MIPEP: variants seen among roughly 807,000 people sequenced by gnomAD.
MIPEP encodes the protein mitochondrial intermediate peptidase.
In MIPEP, 79 loss-of-function variants were observed where a neutral mutation model predicts 90.3. That is an observed-to-expected ratio of 0.87 (90% confidence interval 0.73 to 1.05). MIPEP has a LOEUF of 1.05. Ranked by LOEUF, MIPEP falls within the 50% of genes least tolerant of loss-of-function variation. MIPEP has a pLI of 0.00. For synonymous variants in MIPEP, 334 were observed against 315.8 expected (o/e 1.06, Z -0.61); for missense variants, 940 against 905.6 (o/e 1.04, Z -0.49).
intron 16 of MIPEP, among the ~76,000 whole-genome samples, chr13:23,781,498 A>T (rs1209269022): frequency 1.3e-5 from 2 of 152,218 alleles, no homozygotes; most frequent in African/African-American, 4.8e-5. Flanking sequence ...CACTGCAAAA[A>T]CATGCCAAAT....
intron 16 of MIPEP, among the ~76,000 whole-genome samples, chr13:23,788,437 TCCA>T (rs1434397447): frequency 5.3e-5 from 8 of 152,178 alleles, no homozygotes; most frequent in African/African-American, 1.9e-4. Flanking sequence ...TCTCAAGACC[TCCA>T]CCAACTGGAA....
At chr13:23,839,505 T>C (rs1427469022) in intron 12 of MIPEP, 144 bp downstream of exon 12, 4 of 460,410 alleles carry the variant, frequency 8.7e-6, no homozygotes, top group African/African-American at 6.0e-5. Context: ...TAAAATTCTA[T>C]CTTAATTTCA....
intron 18 of MIPEP, among the ~76,000 whole-genome samples, chr13:23,742,129 T>A (rs1458359771): frequency 6.6e-6 from 1 of 152,238 alleles, no homozygotes; most frequent in Non-Finnish European, 1.5e-5. Context: ...TGGGGCTGAA[T>A]GGAACATTAT....
At chr13:23,785,447 C>G in intron 16 of MIPEP, among the ~76,000 whole-genome samples, 1 of 140,204 alleles carries the variant, frequency 7.1e-6, no homozygotes, top group Admixed American at 7.8e-5. Context: ...AATGAGAACA[C>G]TTGGACATCA....
At chr13:23,824,118 C>T (rs1953340173) in intron 14 of MIPEP, among the ~76,000 whole-genome samples, 1 of 152,170 alleles carries the variant, frequency 6.6e-6, no homozygotes, top group Non-Finnish European at 1.5e-5. Context: ...CCAAAAAATA[C>T]AAATGTTTGG....
At chr13:23,812,719 G>A (rs1953188907) in intron 14 of MIPEP, among the ~76,000 whole-genome samples, 1 of 152,134 alleles carries the variant, frequency 6.6e-6, no homozygotes, top group Admixed American at 6.5e-5. Context: ...TGCTACCACT[G>A]GAGAAAACTG....
At chr13:23,831,855 T>C (rs1868784026) in intron 14 of MIPEP, among the ~76,000 whole-genome samples, 1 of 152,162 alleles carries the variant, frequency 6.6e-6, no homozygotes, top group Non-Finnish European at 1.5e-5. Context: ...GGGCAGGCTA[T>C]TAGACTGCAC....
chr13:23,839,623 A>C, intron 12 of MIPEP, 26 bp downstream of exon 12: 1 of 1,553,734 alleles, frequency 6.4e-7, no homozygotes, highest in Non-Finnish European at 8.8e-7. Flanking sequence ...GGTTCTAGAG[A>C]GACCAGTTTA....
intron 5 of MIPEP, 141 bp downstream of exon 5, chr13:23,874,705 A>T: frequency 1.5e-6 from 1 of 649,244 alleles, no homozygotes; most frequent in Non-Finnish European, 2.5e-6. Context: ...CAATCTAAAG[A>T]AGAATTTCAT....
intron 5 of MIPEP, among the ~76,000 whole-genome samples, chr13:23,871,168 T>C (rs1264059197): frequency 6.6e-6 from 1 of 152,242 alleles, no homozygotes; most frequent in Non-Finnish European, 1.5e-5. Context: ...ACATGGTCCT[T>C]GCTCCTGCCA....
rs759148744 is a variant in MIPEP, at chr13:23,870,137, A to G, written c.662T>C (p.Met221Thr). 7 of 1,612,636 alleles carry G rather than the reference A, an allele frequency of 4.3e-6. No homozygotes were observed. The highest frequency in any genetic ancestry group is 5.9e-6 in the Non-Finnish European group (7 of 1,179,264). The change falls in exon 6 of 19, where the codon ATG (methionine) becomes ACG (threonine). Residue 221 changes from methionine (M) to threonine (T), a missense_variant. Physicochemically the swap from Met to Thr is moderately conservative, Grantham distance 81. Transcript: ENST00000382172. Reference sequence around the variant, plus strand: ...AATCTTGTTGGGAAAATTGGTTCCCATAAGAAATGTACTACTCAAATCCAA... The same window carrying G: ...AATCTTGTTGGGAAAATTGGTTCCCGTAAGAAATGTACTACTCAAATCCAA... ...KILDLSSTFL[M>T]GTNFPNKIEK...
chr13:23,809,804 T>A (rs1287762576), intron 15 of MIPEP, 46 bp downstream of exon 15: 1 of 1,138,398 alleles, frequency 8.8e-7, no homozygotes, highest in African/African-American at 1.6e-5. Context: ...TATATTTATT[T>A]GGGATAATGA....
chr13:23,806,685 A>C (rs894768942), intron 15 of MIPEP, among the ~76,000 whole-genome samples: 6 of 151,462 alleles, frequency 4.0e-5, no homozygotes, highest in African/African-American at 1.5e-4. Context: ...AAAAAACCAA[A>C]CAAAAAACAA....
chr13:23,816,458 G>A (rs1227310152), intron 14 of MIPEP, among the ~76,000 whole-genome samples: 1 of 152,076 alleles, frequency 6.6e-6, no homozygotes, highest in Non-Finnish European at 1.5e-5. Context: ...GTGTATGGAT[G>A]AGCTTCTCAA....
intron 17 of MIPEP, among the ~76,000 whole-genome samples, chr13:23,759,375 C>A (rs959902199): frequency 6.6e-6 from 1 of 151,320 alleles, no homozygotes; most frequent in African/African-American, 2.4e-5. Context: ...CACGGGATAC[C>A]CCACCCCCAC....
At chr13:23,750,049 C>A (rs1237060566) in intron 18 of MIPEP, among the ~76,000 whole-genome samples, 1 of 151,590 alleles carries the variant, frequency 6.6e-6, no homozygotes, top group Non-Finnish European at 1.5e-5. Flanking sequence ...AGTGGTGTCA[C>A]TGCTAAAAAC....
chr13:23,873,632 T>C (rs183248095), intron 5 of MIPEP, among the ~76,000 whole-genome samples: 73 of 152,278 alleles, frequency 4.8e-4, no homozygotes, highest in Non-Finnish European at 8.7e-4. Context: ...GGGTGTTTGG[T>C]GATAAGAATC....
intron 14 of MIPEP, among the ~76,000 whole-genome samples, chr13:23,833,840 G>A (rs1393160576): frequency 2.0e-5 from 3 of 152,090 alleles, no homozygotes; most frequent in Admixed American, 6.5e-5. Flanking sequence ...CCCTCTTTCC[G>A]CAGCCCTGCA....
At chr13:23,747,534 G>A (rs779292712) in intron 18 of MIPEP, 2 of 511,784 alleles carry the variant, frequency 3.9e-6, no homozygotes, top group South Asian at 1.4e-5. Flanking sequence ...ACAGGAAGGA[G>A]GAAGGGCAGG....
Sources: allele counts gnomAD v4.1 joint callset (sites outside exome capture counted in the v4.1 genomes callset), GRCh38; gene constraint gnomAD v4.1.1; transcripts MANE v1.5; gene names NCBI Gene and HGNC (gene_info 2026-07-23, HGNC 2026-07-21).